Variants in INPP5B observed in about 807,000 individuals in gnomAD.
INPP5B encodes type II inositol 1,4,5-trisphosphate 5-phosphatase.
Under a neutral mutation model 118.5 loss-of-function variants are expected in INPP5B, and 90 were observed. That is an observed-to-expected ratio of 0.76 (90% CI 0.64 to 0.90). INPP5B has a LOEUF of 0.90. Ranked by LOEUF, INPP5B falls within the 40% of genes least tolerant of loss-of-function variation. The pLI, the probability that INPP5B is intolerant of heterozygous loss-of-function variation, is 0.00. For synonymous variants in INPP5B, 385 were observed against 418.9 expected (o/e 0.92, Z 0.99); for missense variants, 984 against 1,125.6 (o/e 0.87, Z 1.80).
intron 6 of INPP5B, among the ~76,000 whole-genome samples, chr1:37,938,312 A>G (rs915184276): frequency 4.0e-5 from 6 of 151,744 alleles, no homozygotes; most frequent in Admixed American, 3.9e-4. Flanking sequence ...TAAAATTAAC[A>G]TTAAATTTAA....
At chr1:37,879,961 A>G in intron 15 of INPP5B, 124 bp downstream of exon 15, 6 of 528,778 alleles carry the variant, frequency 1.1e-5, no homozygotes, top group Non-Finnish European at 2.0e-5. Flanking sequence ...GTTTGATCAG[A>G]GTGCAAAACA....
intron 7 of INPP5B, chr1:37,929,078 T>A (rs1243047645): frequency 1.3e-5 from 2 of 152,058 alleles, no homozygotes; most frequent in African/African-American, 4.8e-5. Flanking sequence ...CAATTAACAG[T>A]GTCACCCAGT....
At chr1:37,871,491 G>C (rs918478901) in intron 19 of INPP5B, among the ~76,000 whole-genome samples, 5 of 151,496 alleles carry the variant, frequency 3.3e-5, no homozygotes, top group African/African-American at 1.2e-4. Flanking sequence ...AAAAAGGCCA[G>C]GCGTGGTGGC....
At chr1:37,939,194 CAA>C (rs34249747) in intron 6 of INPP5B, among the ~76,000 whole-genome samples, 913 of 72,960 alleles carry the variant, frequency 0.013, 7 homozygotes, top group African/African-American at 0.039. Flanking sequence ...AACTCCGTCT[CAA>C]AAAAAAAAAA....
At chr1:37,873,960 C>T (rs915386920) in intron 18 of INPP5B, 33 bp downstream of exon 18, 7 of 1,485,404 alleles carry the variant, frequency 4.7e-6, no homozygotes, top group Non-Finnish European at 6.3e-6. Flanking sequence ...TTCCCCAAAC[C>T]AGATACCAGG....
chr1:37,887,083 G>A (rs1643584241), intron 11 of INPP5B, 79 bp from the exon 12 acceptor site: 1 of 1,193,670 alleles, frequency 8.4e-7, no homozygotes, highest in Non-Finnish European at 1.2e-6. Context: ...TCTGGAAGCT[G>A]GCTGAGAGTA....
At chr1:37,890,397 T>C (rs546228229) in intron 8 of INPP5B, among the ~76,000 whole-genome samples, 2 of 152,208 alleles carry the variant, frequency 1.3e-5, no homozygotes, top group South Asian at 4.1e-4. Flanking sequence ...TCCTTTAACT[T>C]GATCATTCTA....
chr1:37,917,308 TTATATATATATATA>T (rs368327131), intron 7 of INPP5B, among the ~76,000 whole-genome samples: 16 of 92,804 alleles, frequency 1.7e-4, no homozygotes, highest in East Asian at 6.8e-4. Context: ...AAAAAAATAA[TTATATATATATATA>T]TATATATATA....
intron 23 of INPP5B, among the ~76,000 whole-genome samples, chr1:37,863,213 TAAAAAAA>T (rs869054961): frequency 7.8e-6 from 1 of 128,312 alleles, no homozygotes; most frequent in African/African-American, 3.0e-5. Flanking sequence ...CACTGCCCTT[TAAAAAAA>T]AAAAAAAAAA....
intron 7 of INPP5B, among the ~76,000 whole-genome samples, chr1:37,917,384 C>T (rs1644911594): frequency 1.4e-5 from 2 of 144,274 alleles, no homozygotes; most frequent in South Asian, 2.3e-4. Context: ...AGTGCAGTAG[C>T]GCGATCTCGG....
chr1:37,878,894 C>A (rs1278604015), intron 15 of INPP5B, among the ~76,000 whole-genome samples: 2 of 150,766 alleles, frequency 1.3e-5, no homozygotes, highest in Non-Finnish European at 3.0e-5. Flanking sequence ...AGGCAATCTG[C>A]CCGCCTCGGC....
At chr1:37,879,271 A>C (rs77513783) in intron 15 of INPP5B, among the ~76,000 whole-genome samples, 60 of 139,570 alleles carry the variant, frequency 4.3e-4, no homozygotes, top group Non-Finnish European at 4.0e-4. Context: ...ACTCCGTCTC[A>C]AAAAAAAAAA....
chr1:37,889,354 C>T (rs931019104), intron 9 of INPP5B, among the ~76,000 whole-genome samples: 1 of 152,214 alleles, frequency 6.6e-6, no homozygotes, highest in Non-Finnish European at 1.5e-5. Context: ...CACTATACCA[C>T]ACCTATCACC....
At chr1:37,941,301 A>G (rs1645898982) in intron 5 of INPP5B, among the ~76,000 whole-genome samples, 1 of 152,160 alleles carries the variant, frequency 6.6e-6, no homozygotes, top group East Asian at 1.9e-4. Context: ...GTGAGCACTC[A>G]AACCATGTGC....
Position 37,898,214 on chromosome 1 carries a change from G to T in INPP5B, c.533-6760C>A, listed in dbSNP as rs1644194691. The stretch of plus-strand genomic sequence containing the variant: ...ATGATTCCAATTACACAACATTCTG[G>T]ATAAGACAAAACTATAGAGACGGTA... On this transcript the variant is annotated intron_variant, in intron 7 of 23. Transcript: ENST00000373024. Among the ~76,000 whole-genome samples, 5 of 152,204 alleles carry T rather than the reference G, an allele frequency of 3.3e-5. No homozygotes were observed. The South Asian group carries it at 1.0e-3, about 32-fold the overall frequency.
chr1:37,907,270 A>G lies in INPP5B; in HGVS notation c.533-15816T>C, dbSNP rs989997532. Among the ~76,000 whole-genome samples, 1 of 152,240 alleles carries G rather than the reference A, an allele frequency of 6.6e-6. No individual in the cohort carries two copies. Among genetic ancestry groups the G allele is most frequent in the Non-Finnish European group, 1.5e-5 (1 of 68,048 alleles). ...TTGAACACTTATTAATCTTCCAGAT[A>G]TTACCTTTTGTTGGAACTCAAGAGA... On this transcript the variant is annotated intron_variant, in intron 7 of 23. Transcript: ENST00000373024. This position sits in a 1 kb window ranked among gnomAD's most constrained non-coding sequence, Gnocchi z 4.3.
At chr1:37,862,970 C>T (rs1372472762) in intron 23 of INPP5B, among the ~76,000 whole-genome samples, 1 of 152,180 alleles carries the variant, frequency 6.6e-6, no homozygotes, top group African/African-American at 2.4e-5. Flanking sequence ...GGCAGCCCTG[C>T]TTGGTGTCCT....
chr1:37,896,618 C>T (rs1270679333), intron 7 of INPP5B, among the ~76,000 whole-genome samples: 7 of 140,686 alleles, frequency 5.0e-5, no homozygotes, highest in African/African-American at 1.0e-4. Flanking sequence ...GCCCCCCGCC[C>T]GGCCAGCCGC....
In INPP5B at chr1:37,872,914, G is replaced by A. The variant is rs1345324722; in HGVS notation, c.2187+16C>T. ...GCTACAAAGTTCTAGATGTTTCTTT[G>A]TGGCATATTACTCACCAGCTCACTA... On this transcript the variant is annotated intron_variant, in intron 19 of 23. Coordinates refer to ENST00000373024, the MANE Select transcript of INPP5B (RefSeq NM_005540.3). 1 of 1,576,936 alleles carries A rather than the reference G, an allele frequency of 6.3e-7. No individual in the cohort carries two copies. Among genetic ancestry groups the A allele is most frequent in the Non-Finnish European group, 8.7e-7 (1 of 1,147,834 alleles).
Sources: gnomAD v4.1 joint callset for allele counts (sites outside exome capture counted in the v4.1 genomes callset) on GRCh38, gnomAD v4.1.1 for gene constraint, Gnocchi (gnomAD v3.1) non-coding constraint, MANE v1.5 for transcripts, NCBI Gene and HGNC (gene_info 2026-07-23, HGNC 2026-07-21) for gene names.